Variants in TTC27 observed in about 807,000 individuals in gnomAD.
TTC27 encodes tetratricopeptide repeat protein 27.
In TTC27, 79 loss-of-function variants were observed where a neutral mutation model predicts 115.9. The observed-to-expected ratio is 0.68, with a 90% CI of 0.57 to 0.82. The LOEUF (loss-of-function observed/expected upper bound fraction) is 0.82. Among genes scored for constraint, TTC27 ranks in the 40% least tolerant of loss-of-function variants. The pLI is 0.00. For synonymous variants in TTC27, 401 were observed against 356.0 expected (o/e 1.13, Z -1.42); for missense variants, 1,054 against 993.1 (o/e 1.06, Z -0.82).
intron 16 of TTC27, among the ~76,000 whole-genome samples, chr2:32,799,416 A>G (rs1350564322): frequency 6.6e-6 from 1 of 152,228 alleles, no homozygotes. Flanking sequence ...AAAATGAGAA[A>G]GAGTAGAGGA....
chr2:32,664,940 C>A (rs1665713526), intron 6 of TTC27, among the ~76,000 whole-genome samples: 1 of 151,550 alleles, frequency 6.6e-6, no homozygotes, highest in South Asian at 2.1e-4. Context: ...TCAAGCAATT[C>A]TCCTGCCTGA....
intron 9 of TTC27, among the ~76,000 whole-genome samples, chr2:32,691,538 A>G (rs962448054): frequency 6.6e-6 from 1 of 151,960 alleles, no homozygotes; most frequent in South Asian, 2.1e-4. Context: ...ACCTCAGGTG[A>G]TCAGTCCACC....
In TTC27 at chr2:32,820,953, G is replaced by A. The variant is rs1476178554; in HGVS notation, c.*15G>A. ...ATCAGTATTGATTCTGCTGGAAGCAGATTCTGGAAAAGGTGCTTTCACCTG... is the reference window on the plus strand; with the variant it reads ...ATCAGTATTGATTCTGCTGGAAGCAAATTCTGGAAAAGGTGCTTTCACCTG... On this transcript the variant is annotated 3_prime_UTR_variant, in exon 20 of 20. Coordinates refer to ENST00000317907, the MANE Select transcript of TTC27 (RefSeq NM_017735.5). 1 of 1,246,664 alleles carries A rather than the reference G, an allele frequency of 8.0e-7. No individual in the cohort carries two copies. The highest frequency in any genetic ancestry group is 1.0e-6 in the Non-Finnish European group (1 of 954,926). 77.2% of individuals were successfully genotyped at this position (1,246,664 alleles called of 1,614,324 possible). A position where few individuals can be genotyped will look rare whatever the true frequency, so the allele number is the denominator to read the frequency against.
intron 4 of TTC27, among the ~76,000 whole-genome samples, chr2:32,644,678 C>T (rs1460598585): frequency 6.6e-6 from 1 of 151,948 alleles, no homozygotes; most frequent in Non-Finnish European, 1.5e-5. Context: ...ATCCTCCCAC[C>T]TCAGCCTCCT....
At chr2:32,673,066 TC>T (rs1666067376) in intron 8 of TTC27, among the ~76,000 whole-genome samples, 1 of 152,198 alleles carries the variant, frequency 6.6e-6, no homozygotes, top group African/African-American at 2.4e-5. Flanking sequence ...CATTTAGTTT[TC>T]TTGTCTCTTT....
chr2:32,767,509 C>G (rs192812759), intron 13 of TTC27, among the ~76,000 whole-genome samples: 1 of 134,644 alleles, frequency 7.4e-6, no homozygotes, highest in East Asian at 2.2e-4. Context: ...CCAAGGACTG[C>G]GGACTGCAGT....
intron 9 of TTC27, among the ~76,000 whole-genome samples, chr2:32,697,657 A>G (rs1667032380): frequency 6.6e-6 from 1 of 152,222 alleles, no homozygotes; most frequent in African/African-American, 2.4e-5. Flanking sequence ...CTTTATGGAT[A>G]AGACATCTTT....
chr2:32,650,205 T>C lies in TTC27; in HGVS notation c.612T>C (p.Phe204=), dbSNP rs766391247. 16 of 1,613,828 alleles carry C rather than the reference T, an allele frequency of 9.9e-6. No individual in the cohort carries two copies. The South Asian group carries it at 1.2e-4, about 12-fold the overall frequency. Residue 204 remains phenylalanine, a synonymous_variant, in exon 5 of 20, where the codon TTT becomes TTC. Transcript: ENST00000317907. Reference sequence around the variant, plus strand: ...TTGAGGAACGCTCACCTCTGCTTTTTACTCTTGCCGAAAACTGTATTGATC... The same window carrying C: ...TTGAGGAACGCTCACCTCTGCTTTTCACTCTTGCCGAAAACTGTATTGATC... The part of the protein sequence containing the change: ...HLLEERSPLL[F]TLAENCIDQV...
chr2:32,785,645 G>C (rs1011165983), intron 15 of TTC27, among the ~76,000 whole-genome samples: 1 of 152,172 alleles, frequency 6.6e-6, no homozygotes. Flanking sequence ...GCCCAGGCTG[G>C]AGTGCAGTGG....
At chr2:32,688,843 C>A (rs1308107933) in intron 9 of TTC27, among the ~76,000 whole-genome samples, 1 of 152,072 alleles carries the variant, frequency 6.6e-6, no homozygotes, top group Non-Finnish European at 1.5e-5. Flanking sequence ...TAAAATTAAT[C>A]ATCAATTGCT....
chr2:32,640,237 T>C (rs1392006022), intron 3 of TTC27, 33 bp from the exon 4 acceptor site: 5 of 1,581,148 alleles, frequency 3.2e-6, no homozygotes. Flanking sequence ...TTTTGTTAAA[T>C]TATATCATCT....
rs1432454460 is a variant in TTC27, at chr2:32,795,534, A to T, written c.1998+8385A>T. ...TGAAAGACTGAAAGCTTCTTTTCTT[A>T]TTTATTTATTTATTTATTTATTTAT... On this transcript the variant is annotated intron_variant, in intron 16 of 19. Coordinates refer to ENST00000317907, the MANE Select transcript of TTC27 (RefSeq NM_017735.5). Among the ~76,000 whole-genome samples, 3 of 52,670 alleles carry T rather than the reference A, an allele frequency of 5.7e-5. No individual in the cohort carries two copies. The East Asian group carries it at 1.5e-3, about 26-fold the overall frequency. The allele number at this position is 52,670 out of a possible 152,430, so 34.6% of individuals were successfully genotyped here.
chr2:32,733,790 A>G (rs760145572), intron 10 of TTC27, 38 bp from the exon 11 acceptor site: 3 of 1,292,464 alleles, frequency 2.3e-6, no homozygotes, highest in Non-Finnish European at 3.3e-6. Context: ...ATTATAAGTT[A>G]TACATATAGA....
chr2:32,666,017 C>G (rs1665761751), intron 6 of TTC27, among the ~76,000 whole-genome samples: 1 of 152,114 alleles, frequency 6.6e-6, no homozygotes, highest in Non-Finnish European at 1.5e-5. Context: ...GGATAAAATC[C>G]AGACTTTCTA....
At chr2:32,667,453 A>G (rs1305406180) in intron 7 of TTC27, among the ~76,000 whole-genome samples, 2 of 124,528 alleles carry the variant, frequency 1.6e-5, no homozygotes, top group African/African-American at 6.3e-5. Flanking sequence ...GTCTCACTCT[A>G]TTGCCCAGGC....
At chr2:32,757,054 A>T (rs1055157359) in intron 12 of TTC27, among the ~76,000 whole-genome samples, 6 of 152,208 alleles carry the variant, frequency 3.9e-5, no homozygotes, top group Non-Finnish European at 7.3e-5. Flanking sequence ...GTCTGGAATC[A>T]GGTAGGTCTA....
intron 16 of TTC27, among the ~76,000 whole-genome samples, chr2:32,809,468 A>G (rs1440006977): frequency 6.6e-6 from 1 of 152,334 alleles, no homozygotes; most frequent in East Asian, 1.9e-4. Context: ...CGTCAACATC[A>G]GCATCACCTG....
At chr2:32,765,430 G>A (rs1669593225) in intron 13 of TTC27, among the ~76,000 whole-genome samples, 2 of 149,996 alleles carry the variant, frequency 1.3e-5, no homozygotes, top group African/African-American at 4.9e-5. Flanking sequence ...GCTGTAAACA[G>A]AAGTATTGTC....
At chr2:32,725,958 G>GCTTGCACCCTCTGAAGCCATGAGT (rs1466620331) in intron 10 of TTC27, among the ~76,000 whole-genome samples, 1 of 152,242 alleles carries the variant, frequency 6.6e-6, no homozygotes, top group Non-Finnish European at 1.5e-5. Context: ...GAGGCTTGAG[G>GCTTGCACCCTCTGAAGCCATGAGT]CTTGCACCCT....
Sources: allele counts gnomAD v4.1 joint callset (sites outside exome capture counted in the v4.1 genomes callset), GRCh38; gene constraint gnomAD v4.1.1; transcripts MANE v1.5; gene names NCBI Gene and HGNC (gene_info 2026-07-23, HGNC 2026-07-21).